Variants in TRHDE observed in about 807,000 individuals in gnomAD.
The protein encoded by TRHDE is thyrotropin releasing hormone degrading enzyme.
TRHDE carries 72 observed loss-of-function variants against 125.7 expected under a neutral mutation model. That is an observed-to-expected ratio of 0.57 (90% CI 0.47 to 0.70). TRHDE has a LOEUF of 0.70. TRHDE is among the 30% of genes least tolerant of loss of function. The pLI, the probability that TRHDE is intolerant of heterozygous loss-of-function variation, is 0.00. For synonymous variants in TRHDE, 509 were observed against 509.1 expected (o/e 1.00, Z 0.00); for missense variants, 1,110 against 1,327.1 (o/e 0.84, Z 2.54).
At position 72,443,152 on chromosome 12, in the gene TRHDE, T is replaced by G. The variant is rs73344438; in HGVS notation, c.1316-26606T>G. ...TACCAACATTGTACTACAATAGTATTCCATAGCTTATTTTCCACACATACT... is the reference window on the plus strand; with the variant it reads ...TACCAACATTGTACTACAATAGTATGCCATAGCTTATTTTCCACACATACT... On this transcript the variant is annotated intron_variant, in intron 3 of 18. Transcript: ENST00000261180. Among the ~76,000 whole-genome samples, 1,348 of 151,616 alleles carry G rather than the reference T, an allele frequency of 8.9e-3. 24 individuals are homozygous for G. The highest frequency in any genetic ancestry group is 0.03 in the African/African-American group (1,256 of 41,400).
chr12:72,466,177 G>A (rs1320076798), intron 3 of TRHDE, among the ~76,000 whole-genome samples: 1 of 152,102 alleles, frequency 6.6e-6, no homozygotes, highest in African/African-American at 2.4e-5. Context: ...TGCTTATGCT[G>A]TTAGTCAGGC....
chr12:72,172,166 G>A (rs1038804853), intron 2 of TRHDE, among the ~76,000 whole-genome samples: 2 of 152,092 alleles, frequency 1.3e-5, no homozygotes, highest in Admixed American at 1.3e-4. Flanking sequence ...AAGCTACATG[G>A]CCAATGTCTT....
chr12:72,270,288 T>TA (rs1358325754), upstream of TRHDE, among the ~76,000 whole-genome samples: 13 of 151,412 alleles, frequency 8.6e-5, no homozygotes, highest in African/African-American at 3.1e-4. Flanking sequence ...ACAACATGCT[T>TA]AAAAAATCCC....
chr12:72,592,365 C>T (rs1415213991), intron 12 of TRHDE, among the ~76,000 whole-genome samples: 1 of 151,014 alleles, frequency 6.6e-6, no homozygotes, highest in Non-Finnish European at 1.5e-5. Flanking sequence ...ACCATGAGTA[C>T]ATGCTTTGTA....
chr12:72,620,728 C>T (rs890257472), intron 13 of TRHDE, among the ~76,000 whole-genome samples: 100 of 152,064 alleles, frequency 6.6e-4, no homozygotes, highest in African/African-American at 2.2e-3. Flanking sequence ...ATATAAAATG[C>T]GTAAATATTA....
chr12:72,321,258 C>T (rs186404051), intron 2 of TRHDE, among the ~76,000 whole-genome samples: 1 of 152,144 alleles, frequency 6.6e-6, no homozygotes, highest in East Asian at 1.9e-4. Context: ...GGGCAAATGC[C>T]CTGAAGAAGA....
At chr12:72,654,394 G>A (rs1433102915) in intron 17 of TRHDE, among the ~76,000 whole-genome samples, 1 of 152,060 alleles carries the variant, frequency 6.6e-6, no homozygotes, top group Non-Finnish European at 1.5e-5. Context: ...CTCCTCTGTC[G>A]ATTTTTTGAA....
intron 10 of TRHDE, among the ~76,000 whole-genome samples, chr12:72,572,806 T>G (rs976611142): frequency 1.4e-4 from 21 of 152,140 alleles, no homozygotes; most frequent in Admixed American, 1.2e-3. Context: ...ATCTATAAGT[T>G]GTTGAAATTA....
intron 6 of TRHDE, among the ~76,000 whole-genome samples, chr12:72,514,261 G>A (rs771491261): frequency 2.6e-5 from 4 of 152,092 alleles, no homozygotes; most frequent in Non-Finnish European, 4.4e-5. Context: ...CCACGAATAT[G>A]AGACAGCAGA....
At chr12:72,237,494 A>C (rs888338890) in intron 2 of TRHDE, among the ~76,000 whole-genome samples, 1 of 152,146 alleles carries the variant, frequency 6.6e-6, no homozygotes, top group African/African-American at 2.4e-5. Flanking sequence ...AATATAATAA[A>C]ATATTGAAGT....
At chr12:72,254,242 C>T (rs1805182647) in intron 2 of TRHDE, 1 of 151,840 alleles carries the variant, frequency 6.6e-6, no homozygotes, top group African/African-American at 2.4e-5. Flanking sequence ...ACCTTCCACC[C>T]CTCTTATCTC....
intron 2 of TRHDE, among the ~76,000 whole-genome samples, chr12:72,290,539 G>A (rs1441467420): frequency 1.3e-5 from 2 of 152,178 alleles, no homozygotes; most frequent in Non-Finnish European, 2.9e-5. Context: ...CTAGGAATTT[G>A]GAAGGGCACA....
At chr12:72,350,796 GA>G (rs1202562413) in intron 2 of TRHDE, among the ~76,000 whole-genome samples, 1 of 151,944 alleles carries the variant, frequency 6.6e-6, no homozygotes, top group African/African-American at 2.4e-5. Flanking sequence ...GTTAAGGGAG[GA>G]CATGGCAAAA....
intron 2 of TRHDE, among the ~76,000 whole-genome samples, chr12:72,206,292 C>T (rs1877663877): frequency 6.6e-6 from 1 of 152,032 alleles, no homozygotes; most frequent in South Asian, 2.1e-4. Context: ...AGGATTTCAC[C>T]ATGTTGGCCA....
chr12:72,186,226 C>T (rs540450579), intron 2 of TRHDE: 1 of 171,052 alleles, frequency 5.8e-6, no homozygotes, highest in Admixed American at 6.3e-5. Flanking sequence ...CAGCTTCACT[C>T]CTGAGCCCAG....
intron 2 of TRHDE, among the ~76,000 whole-genome samples, chr12:72,332,132 G>A (rs1305642210): frequency 7.1e-6 from 1 of 140,928 alleles, no homozygotes; most frequent in African/African-American, 2.5e-5. Flanking sequence ...GAGCCAAGGG[G>A]GAGCTCCCAA....
At chr12:72,302,246 A>ATGTGTG (rs10581163) in intron 2 of TRHDE, among the ~76,000 whole-genome samples, 1 of 149,238 alleles carries the variant, frequency 6.7e-6, no homozygotes, top group African/African-American at 2.5e-5. Context: ...GTGTGTGTGT[A>ATGTGTG]TGTGTGTGTG....
chr12:72,106,462 G>A (rs1021449212), intron 2 of TRHDE, among the ~76,000 whole-genome samples: 10 of 152,030 alleles, frequency 6.6e-5, no homozygotes, highest in Non-Finnish European at 1.5e-4. Context: ...GAAAGACAAC[G>A]AATGAGATTA....
At chr12:72,378,440 C>T (rs1193516477) in intron 3 of TRHDE, among the ~76,000 whole-genome samples, 1 of 152,058 alleles carries the variant, frequency 6.6e-6, no homozygotes, top group Non-Finnish European at 1.5e-5. Context: ...AGTAAAACTA[C>T]CATGAGGGTA....
Sources: allele counts gnomAD v4.1 joint callset (sites outside exome capture counted in the v4.1 genomes callset), GRCh38; gene constraint gnomAD v4.1.1; transcripts MANE v1.5; gene names NCBI Gene and HGNC (gene_info 2026-07-23, HGNC 2026-07-21).